Variants in NCOA3 observed in about 807,000 individuals in gnomAD.
NCOA3 encodes nuclear receptor coactivator 3.
NCOA3 carries 51 observed loss-of-function variants against 158.8 expected under a neutral mutation model. The ratio of observed to expected loss-of-function variants is 0.32; its 90% CI spans 0.26 to 0.41. NCOA3 has a LOEUF of 0.41. Ranked by LOEUF, NCOA3 falls within the 10% of genes least tolerant of loss-of-function variation. The pLI is 1.00. For missense variants in NCOA3, 1,510 were observed against 1,746.6 expected (o/e 0.86, Z 2.41); for synonymous variants, 537 against 592.4 (o/e 0.91, Z 1.36).
At chr20:47,538,362 A>G (rs1225939569) in intron 1 of NCOA3, among the ~76,000 whole-genome samples, 3 of 152,190 alleles carry the variant, frequency 2.0e-5, no homozygotes, top group Non-Finnish European at 4.4e-5. Flanking sequence ...TATTTGGGGT[A>G]GAGAGTAGTG....
At position 47,627,059 on chromosome 20, in the gene NCOA3, G is replaced by A. The variant is rs768532984; in HGVS notation, c.415G>A (p.Glu139Lys). The change falls in exon 6 of 23, where the codon GAA (glutamate) becomes AAA (lysine). Residue 139 changes from glutamate to lysine, a missense_variant. Physicochemically the swap from Glu to Lys is moderately conservative, Grantham distance 56 (BLOSUM62 1). This residue lies in a region of NCOA3 where 309 missense variants were observed against 427.1 expected (regional missense o/e 0.72). Transcript: ENST00000371998. ...AGACGGAAACATTGTATTTGTATCA[G>A]AAAATGTCACACAATACCTGCAATA... ...NRDGNIVFVS[E>K]NVTQYLQYKQ... is the part of the protein sequence containing the mutation. 1.9e-6 allele frequency: 3 copies of A among 1,613,368 alleles called. No homozygotes were observed. Among genetic ancestry groups the A allele is most frequent in the Admixed American group, 3.3e-5 (2 of 59,952 alleles).
intron 2 of NCOA3, among the ~76,000 whole-genome samples, chr20:47,615,434 A>T (rs1162653753): frequency 2.6e-5 from 4 of 152,156 alleles, no homozygotes; most frequent in African/African-American, 9.7e-5. Context: ...TAGTTCCTGT[A>T]TCCTTGTCCA....
chr20:47,608,427 T>C (rs2085984611), intron 2 of NCOA3, among the ~76,000 whole-genome samples: 1 of 151,822 alleles, frequency 6.6e-6, no homozygotes, highest in Non-Finnish European at 1.5e-5. Flanking sequence ...TGCTTGAGCC[T>C]AGGAGTTGGA....
intron 1 of NCOA3, among the ~76,000 whole-genome samples, chr20:47,511,522 G>T (rs1307942446): frequency 1.1e-3 from 8 of 7,110 alleles, no homozygotes; most frequent in African/African-American, 1.5e-3. Flanking sequence ...TATCTCTCTC[G>T]AGATATATAT....
chr20:47,507,485 GT>G (rs1257998360), intron 1 of NCOA3, among the ~76,000 whole-genome samples: 1 of 152,196 alleles, frequency 6.6e-6, no homozygotes, highest in Non-Finnish European at 1.5e-5. Flanking sequence ...CCATCTAAGT[GT>G]GGTCAGAAGA....
chr20:47,525,903 C>A (rs1442231535), intron 1 of NCOA3, among the ~76,000 whole-genome samples: 12 of 143,854 alleles, frequency 8.3e-5, no homozygotes, highest in African/African-American at 3.1e-4. Context: ...ACCCCCCCAC[C>A]TCCCTCCCGG....
rs572977800 is a variant in NCOA3, at chr20:47,509,283, G to T, written c.-99+7264G>T. Among the ~76,000 whole-genome samples the T allele has an allele frequency of 3.9e-5, 6 of 152,182 alleles. No individual in the cohort carries two copies. The South Asian group carries it at 1.2e-3, about 32-fold the overall frequency. On this transcript the variant is annotated intron_variant, in intron 1 of 22. Transcript: ENST00000371998. ...GTGATGTGCGCCTGTGGTCCCAGCC[G>T]CATGTGAGACTGAGCTGGGAGGATG...
chr20:47,518,033 CGAG>C (rs2084263412), intron 1 of NCOA3, among the ~76,000 whole-genome samples: 1 of 152,002 alleles, frequency 6.6e-6, no homozygotes. Context: ...AAAACTGACT[CGAG>C]GGTTGAATTC....
intron 1 of NCOA3, among the ~76,000 whole-genome samples, chr20:47,569,340 C>T (rs577580443): frequency 2.7e-5 from 4 of 150,412 alleles, no homozygotes; most frequent in Non-Finnish European, 4.4e-5. Flanking sequence ...GAGCCAGACC[C>T]TATCTCCCCA....
At chr20:47,567,047 T>A (rs2085208080) in intron 1 of NCOA3, among the ~76,000 whole-genome samples, 1 of 151,822 alleles carries the variant, frequency 6.6e-6, no homozygotes, top group South Asian at 2.1e-4. Context: ...TATGTATGTA[T>A]GTATGTATGT....
chr20:47,560,809 G>A (rs915607512), intron 1 of NCOA3, among the ~76,000 whole-genome samples: 3 of 151,792 alleles, frequency 2.0e-5, no homozygotes, highest in African/African-American at 4.8e-5. Flanking sequence ...TTTTTCTCAC[G>A]ATCTGGCTTG....
intron 1 of NCOA3, among the ~76,000 whole-genome samples, chr20:47,517,607 C>T (rs769950677): frequency 6.6e-6 from 1 of 151,932 alleles, no homozygotes; most frequent in Non-Finnish European, 1.5e-5. Context: ...CTCGCTACTA[C>T]ACCTGGCTAA....
At chr20:47,634,752 A>G (rs72645268) in intron 10 of NCOA3, among the ~76,000 whole-genome samples, 2,205 of 152,276 alleles carry the variant, frequency 0.014, 39 homozygotes, top group African/African-American at 0.05. Context: ...TCTGTGGCTT[A>G]CTGAAAAATA....
chr20:47,620,349 A>G (rs2086218853), intron 2 of NCOA3, among the ~76,000 whole-genome samples: 1 of 152,106 alleles, frequency 6.6e-6, no homozygotes, highest in Non-Finnish European at 1.5e-5. Context: ...AGTGCCTCAA[A>G]CTCAAACTGC....
rs2086856087 is a variant in NCOA3, at chr20:47,655,423, A to G, written c.*2006A>G. 6.6e-6 allele frequency: 1 copy of G among 152,266 alleles called. No individual in the cohort carries two copies. Among genetic ancestry groups the G allele is most frequent in the African/African-American group, 2.4e-5 (1 of 41,456 alleles). 9.4% of individuals were successfully genotyped at this position (152,266 alleles called of 1,614,324 possible). A position where few individuals can be genotyped will look rare whatever the true frequency, so the allele number is the denominator to read the frequency against. ...AATCTTTCTAGATGTCTCTGAAGGTAAGATCATTTAATATCTTTGATATGC... is the reference window on the plus strand; with the variant it reads ...AATCTTTCTAGATGTCTCTGAAGGTGAGATCATTTAATATCTTTGATATGC... On this transcript the variant is annotated 3_prime_UTR_variant, in exon 23 of 23. Transcript: ENST00000371998.
At chr20:47,595,003 G>T (rs1366973484) in intron 2 of NCOA3, among the ~76,000 whole-genome samples, 1 of 151,392 alleles carries the variant, frequency 6.6e-6, no homozygotes, top group Non-Finnish European at 1.5e-5. Flanking sequence ...CGCTGGCCAG[G>T]CTGGTCTCGA....
chr20:47,566,368 TCCA>T (rs2085194990), intron 1 of NCOA3, among the ~76,000 whole-genome samples: 1 of 144,144 alleles, frequency 6.9e-6, no homozygotes, highest in Non-Finnish European at 1.6e-5. Flanking sequence ...AATAATGAAA[TCCA>T]CCATTATATA....
intron 1 of NCOA3, among the ~76,000 whole-genome samples, chr20:47,502,497 G>A: frequency 6.6e-6 from 1 of 152,154 alleles, no homozygotes; most frequent in East Asian, 1.9e-4. Context: ...CCAGCCGGGT[G>A]AGATTTGGTT....
chr20:47,592,824 G>A (rs920609883), intron 2 of NCOA3, among the ~76,000 whole-genome samples: 6 of 152,200 alleles, frequency 3.9e-5, no homozygotes, highest in African/African-American at 1.4e-4. Context: ...TTCAGTTGAA[G>A]AATTTAAGTA....
Sources: gnomAD v4.1 joint callset for allele counts (sites outside exome capture counted in the v4.1 genomes callset) on GRCh38, gnomAD v4.1.1 for gene constraint, gnomAD v4.1.1 regional missense constraint, MANE v1.5 for transcripts, NCBI Gene and HGNC (gene_info 2026-07-23, HGNC 2026-07-21) for gene names.